GTF3C4: variants seen among roughly 807,000 people sequenced by gnomAD.
GTF3C4 encodes general transcription factor 3C polypeptide 4.
In GTF3C4, 28 loss-of-function variants were observed where a neutral mutation model predicts 67.5. That is an observed-to-expected ratio of 0.41 (90% CI 0.31 to 0.57). The LOEUF is 0.57. GTF3C4 is among the 20% of genes least tolerant of loss of function. GTF3C4 has a pLI of 0.21. For missense variants in GTF3C4, 831 were observed against 1,033.2 expected (o/e 0.80, Z 2.68); for synonymous variants, 409 against 393.0 (o/e 1.04, Z -0.48).
At chr9:132,684,695 C>T (rs1835999184) in intron 3 of GTF3C4, among the ~76,000 whole-genome samples, 1 of 152,182 alleles carries the variant, frequency 6.6e-6, no homozygotes, top group African/African-American at 2.4e-5. Context: ...AGGACGTCTA[C>T]ACTGGCTGAT....
chr9:132,670,095 G>C (rs1288244392), upstream of GTF3C4: 3 of 1,563,280 alleles, frequency 1.9e-6, no homozygotes. Flanking sequence ...CGGGGACGGC[G>C]GCACCGGGCG....
intron 1 of GTF3C4, among the ~76,000 whole-genome samples, chr9:132,672,989 C>T (rs1835808036): frequency 6.6e-6 from 1 of 152,156 alleles, no homozygotes; most frequent in African/African-American, 2.4e-5. Flanking sequence ...TCGAGACCAT[C>T]CTGGCTAACA....
chr9:132,673,419 T>TG (rs1835818269), intron 1 of GTF3C4, among the ~76,000 whole-genome samples: 1 of 151,204 alleles, frequency 6.6e-6, no homozygotes, highest in Non-Finnish European at 1.5e-5. Context: ...GTACTGTTGT[T>TG]TTTTTTTTAA....
rs1836136543 is a variant in GTF3C4, at chr9:132,692,665, A to G, written c.*3720A>G. The G allele has an allele frequency of 6.6e-6, 1 of 152,082 alleles. No homozygotes were observed. Among genetic ancestry groups the G allele is most frequent in the South Asian group, 2.1e-4 (1 of 4,822 alleles). The allele number at this position is 152,082 out of a possible 1,614,324, so 9.4% of individuals were successfully genotyped here. A position where few individuals can be genotyped will look rare whatever the true frequency, so the allele number is the denominator to read the frequency against. On this transcript the variant is annotated 3_prime_UTR_variant, in exon 5 of 5. Coordinates refer to ENST00000372146, the MANE Select transcript of GTF3C4 (RefSeq NM_012204.4). Reference sequence around the variant, plus strand: ...TTATGATGTATCTTTATGCTCTTTCACTGCTCTTCTGTGCGTTGGAGTTTA... The same window carrying G: ...TTATGATGTATCTTTATGCTCTTTCGCTGCTCTTCTGTGCGTTGGAGTTTA...
Position 132,693,840 on chromosome 9 carries a change from T to G in GTF3C4, c.*4895T>G, listed in dbSNP as rs1276166898. On this transcript the variant is annotated 3_prime_UTR_variant, in exon 5 of 5. Transcript: ENST00000372146. ...TTGTTTTCAAGGCTTTGACTCAGAT[T>G]TGTACTTTGATGTATGAAAGTGAAT... 2 of 152,214 alleles carry G rather than the reference T, an allele frequency of 1.3e-5. No individual in the cohort carries two copies. The highest frequency in any genetic ancestry group is 2.9e-5 in the Non-Finnish European group (2 of 68,034). The allele number at this position is 152,214 out of a possible 1,614,324, so 9.4% of individuals were successfully genotyped here. A position where few individuals can be genotyped will look rare whatever the true frequency, so the allele number is the denominator to read the frequency against.
chr9:132,672,904 G>A (rs1835806228), intron 1 of GTF3C4, among the ~76,000 whole-genome samples: 1 of 152,224 alleles, frequency 6.6e-6, no homozygotes, highest in Admixed American at 6.5e-5. Context: ...AATGAGTTGG[G>A]CCGGGCGCGG....
At chr9:132,685,752 A>G (rs1396077536) in intron 3 of GTF3C4, among the ~76,000 whole-genome samples, 1 of 152,256 alleles carries the variant, frequency 6.6e-6, no homozygotes, top group Non-Finnish European at 1.5e-5. Flanking sequence ...ATAAAAACAT[A>G]TACTGAGTGC....
chr9:132,670,506 G>A lies in GTF3C4; in HGVS notation c.-93G>A. The A allele has an allele frequency of 9.0e-7, 1 of 1,117,114 alleles. No homozygotes were observed. Among genetic ancestry groups the A allele is most frequent in the Non-Finnish European group, 1.2e-6 (1 of 838,844 alleles). 69.2% of individuals were successfully genotyped at this position (1,117,114 alleles called of 1,614,324 possible). A position where few individuals can be genotyped will look rare whatever the true frequency, so the allele number is the denominator to read the frequency against. On this transcript the variant is annotated 5_prime_UTR_variant, in exon 1 of 5. Coordinates refer to ENST00000372146, the MANE Select transcript of GTF3C4 (RefSeq NM_012204.4). Reference sequence around the variant, plus strand: ...CGGGGCCTGAGGGGAGAAAACCGCCGCGGAGGGCGCTGGGGGTGGCGGCGG... The same window carrying A: ...CGGGGCCTGAGGGGAGAAAACCGCCACGGAGGGCGCTGGGGGTGGCGGCGG...
Position 132,685,645 on chromosome 9 carries a change from GCCTGGCT to G in GTF3C4, c.2316-1593_2316-1587del, listed in dbSNP as rs1836015468. 2.0e-5 allele frequency among the ~76,000 whole-genome samples: 3 copies of G among 152,062 alleles called. No individual in the cohort carries two copies. In the South Asian group the frequency reaches 6.2e-4, roughly 32 times the overall value. Reference sequence around the variant, plus strand: ...CAGGACTATGGGCATGTACCACCATGCCTGGCTTCTACACTTTTTCTAATTTGAGTGT... The same window carrying G: ...CAGGACTATGGGCATGTACCACCATGTCTACACTTTTTCTAATTTGAGTGT... On this transcript the variant is annotated intron_variant, in intron 3 of 4. Coordinates refer to ENST00000372146, the MANE Select transcript of GTF3C4 (RefSeq NM_012204.4).
rs1248346415 is a variant in GTF3C4, at chr9:132,678,348, C to A, written c.729C>A (p.His243Gln). Residue 243 changes from histidine to glutamine, a missense_variant, in exon 2 of 5, where the codon CAC becomes CAA. His to Gln is a conservative substitution (Grantham distance 24). Coordinates refer to ENST00000372146, the MANE Select transcript of GTF3C4 (RefSeq NM_012204.4). This position sits in a 1 kb window ranked among gnomAD's most constrained non-coding sequence, Gnocchi z 6.5. ...ATTTTGCTGAGTTTCAGAGGAGACA[C>A]AGCATGCAGACCCCAGTCAGAATGG... ...LGDFAEFQRR[H>Q]SMQTPVRMEW... The A allele has an allele frequency of 3.1e-6, 5 of 1,614,074 alleles. No homozygotes were observed. Among genetic ancestry groups the A allele is most frequent in the Non-Finnish European group, 4.2e-6 (5 of 1,180,046 alleles).
At chr9:132,670,263 C>G (rs1564350837), upstream of GTF3C4, 4 of 1,519,712 alleles carry the variant, frequency 2.6e-6, no homozygotes, top group Non-Finnish European at 3.5e-6. Context: ...ACCGACGAGC[C>G]TCCCCTTTAC....
Position 132,679,701 on chromosome 9 carries a change from A to T in GTF3C4, c.2082A>T (p.Glu694Asp). The T allele has an allele frequency of 6.2e-7, 1 of 1,614,190 alleles. No individual in the cohort carries two copies. Among genetic ancestry groups the T allele is most frequent in the Non-Finnish European group, 8.5e-7 (1 of 1,180,014 alleles). Reference protein sequence around the residue: ...TREHMKRVLGEVYLHTWITEN... With the variant: ...TREHMKRVLGDVYLHTWITEN... ...AACACATGAAGCGAGTCTTAGGAGA[A>T]GTGTATCTGCACACCTGGATCACAG... The change falls in exon 2 of 5, where the codon GAA (glutamate) becomes GAT (aspartate). Residue 694 changes from glutamate to aspartate, a missense_variant. Glu to Asp is a conservative substitution (Grantham distance 45). This residue lies in a region of GTF3C4 where 129 missense variants were observed against 213.8 expected (regional missense o/e 0.60). Transcript: ENST00000372146. This position sits in a 1 kb window ranked among gnomAD's most constrained non-coding sequence, Gnocchi z 5.9.
intron 2 of GTF3C4, among the ~76,000 whole-genome samples, chr9:132,681,144 A>G (rs190242909): frequency 1.4e-4 from 22 of 152,346 alleles, no homozygotes; most frequent in African/African-American, 2.6e-4. Context: ...TGTGTTCCAC[A>G]TTGTCTGGAA....
chr9:132,680,308 T>C (rs1381447189), intron 2 of GTF3C4, among the ~76,000 whole-genome samples: 1 of 152,234 alleles, frequency 6.6e-6, no homozygotes, highest in African/African-American at 2.4e-5. Flanking sequence ...GTCTTTATTT[T>C]GGTAACAGAA....
Position 132,683,548 on chromosome 9 carries a change from ACTT to A in GTF3C4, c.2185-14_2185-12del. ...GCACTTACACTAAACTTTGCTGACT[ACTT>A]TGTCTTACTAGGTGCTGATTGGACA... On this transcript the variant is annotated splice_polypyrimidine_tract_variant and intron_variant, in intron 2 of 4. Coordinates refer to ENST00000372146, the MANE Select transcript of GTF3C4 (RefSeq NM_012204.4). The A allele has an allele frequency of 1.2e-6, 2 of 1,605,450 alleles. No individual in the cohort carries two copies. Among genetic ancestry groups the A allele is most frequent in the Non-Finnish European group, 1.7e-6 (2 of 1,177,650 alleles).
At chr9:132,684,707 C>T (rs975932355) in intron 3 of GTF3C4, among the ~76,000 whole-genome samples, 5 of 152,174 alleles carry the variant, frequency 3.3e-5, no homozygotes, top group African/African-American at 1.2e-4. Flanking sequence ...CTGGCTGATT[C>T]CTCTACCTAG....
intron 4 of GTF3C4, among the ~76,000 whole-genome samples, chr9:132,687,748 A>G (rs1273859518): frequency 6.6e-6 from 1 of 152,222 alleles, no homozygotes; most frequent in Non-Finnish European, 1.5e-5. Context: ...TCCAGTAGCC[A>G]TGATGGGTTT....
chr9:132,678,054 C>G lies in GTF3C4; in HGVS notation c.435C>G (p.Phe145Leu). The G allele has an allele frequency of 6.2e-7, 1 of 1,614,192 alleles. No homozygotes were observed. Among genetic ancestry groups the G allele is most frequent in the South Asian group, 1.1e-5 (1 of 91,080 alleles). ...AGGACCCCACGGTCAGTCAGACTTT[C>G]ATGTTGGATAGGGTGTTCAACCCTG... ...ASKDPTVSQT[F>L]MLDRVFNPEG... The change falls in exon 2 of 5, where the codon TTC (phenylalanine) becomes TTG (leucine). Residue 145 changes from phenylalanine (F) to leucine (L), a missense_variant. Coordinates refer to ENST00000372146, the MANE Select transcript of GTF3C4 (RefSeq NM_012204.4). The surrounding 1 kb of genome is among the most constrained non-coding windows in gnomAD (Gnocchi z 6.5).
Position 132,679,574 on chromosome 9 carries a change from C to G in GTF3C4, c.1955C>G (p.Ser652Trp). 1.2e-6 allele frequency: 2 copies of G among 1,614,044 alleles called. No individual in the cohort carries two copies. Among genetic ancestry groups the G allele is most frequent in the Non-Finnish European group, 1.7e-6 (2 of 1,179,992 alleles). The change falls in exon 2 of 5, where the codon TCG becomes TGG. Residue 652 changes from serine to tryptophan, a missense_variant. Coordinates refer to ENST00000372146, the MANE Select transcript of GTF3C4 (RefSeq NM_012204.4). The surrounding 1 kb of genome is among the most constrained non-coding windows in gnomAD (Gnocchi z 5.9). ...EGDVEEPTDD[S>W]LPTTGDAGGR... The stretch of plus-strand genomic sequence containing the variant: ...GATGTAGAGGAGCCCACTGATGACT[C>G]GCTCCCCACGACTGGAGATGCTGGA...
Sources: gnomAD v4.1 joint callset for allele counts (sites outside exome capture counted in the v4.1 genomes callset) on GRCh38, gnomAD v4.1.1 for gene constraint, gnomAD v4.1.1 regional missense constraint, Gnocchi (gnomAD v3.1) non-coding constraint, MANE v1.5 for transcripts, NCBI Gene and HGNC (gene_info 2026-07-23, HGNC 2026-07-21) for gene names.